TWSG1: variants seen among roughly 807,000 people sequenced by gnomAD.
TWSG1 encodes twisted gastrulation BMP signaling modulator 1.
A neutral mutation model predicts 23.0 loss-of-function variants in TWSG1; 15 were observed. That is an observed-to-expected ratio of 0.65 (90% CI 0.44 to 1.00). The LOEUF is 1.00. TWSG1 is among the 50% of genes least tolerant of loss of function. The probability of loss-of-function intolerance (pLI) is 0.00; values close to 1 mark genes in which losing one functional copy is unlikely to be tolerated. For synonymous variants in TWSG1, 86 were observed against 92.8 expected (o/e 0.93, Z 0.42); for missense variants, 242 against 278.7 (o/e 0.87, Z 0.94).
chr18:9,377,804 T>G (rs1477105986), intron 3 of TWSG1, among the ~76,000 whole-genome samples: 4 of 151,992 alleles, frequency 2.6e-5, no homozygotes, highest in Non-Finnish European at 5.9e-5. Flanking sequence ...ACTGTAGCCT[T>G]GACCTCCCAG....
At chr18:9,390,309 C>T (rs542043453) in intron 3 of TWSG1, among the ~76,000 whole-genome samples, 194 of 152,182 alleles carry the variant, frequency 1.3e-3, no homozygotes, top group African/African-American at 4.4e-3. Flanking sequence ...CTACAGATGC[C>T]CACCATCATG....
rs774720035 is a variant in TWSG1, at chr18:9,396,515, T to C, written c.459T>C (p.Asn153=). 6 of 1,613,506 alleles carry C rather than the reference T, an allele frequency of 3.7e-6. No homozygotes were observed. In the African/African-American group the frequency reaches 4.0e-5, roughly 11 times the overall value. The change falls in exon 4 of 5, where the codon AAT becomes AAC. Residue 153 remains asparagine (N), a synonymous_variant. Transcript: ENST00000262120. The part of the protein sequence containing the change: ...PHHQNVSVPS[N]NVHAPYSSDK... ...ACCAGAATGTGTCTGTCCCCAGCAATAATGTTCACGCGCCTTATTCCAGTG... is the reference window on the plus strand; with the variant it reads ...ACCAGAATGTGTCTGTCCCCAGCAACAATGTTCACGCGCCTTATTCCAGTG...
At chr18:9,375,130 G>A (rs576507491) in intron 3 of TWSG1, among the ~76,000 whole-genome samples, 1 of 132,866 alleles carries the variant, frequency 7.5e-6, no homozygotes, top group South Asian at 2.3e-4. Context: ...TTGTGCCACT[G>A]CACTCCAGCC....
At chr18:9,350,274 T>C (rs921076036) in intron 2 of TWSG1, among the ~76,000 whole-genome samples, 24 of 152,218 alleles carry the variant, frequency 1.6e-4, no homozygotes, top group Non-Finnish European at 3.4e-4. Context: ...GAATACATCG[T>C]TTCCCTCCAA....
chr18:9,339,947 C>A (rs1267820982), intron 2 of TWSG1, among the ~76,000 whole-genome samples: 1 of 152,192 alleles, frequency 6.6e-6, no homozygotes, highest in Admixed American at 6.5e-5. Flanking sequence ...TATTTTCAGT[C>A]ACAAATTCAT....
intron 3 of TWSG1, among the ~76,000 whole-genome samples, chr18:9,381,392 C>T (rs2040655509): frequency 6.6e-6 from 1 of 152,148 alleles, no homozygotes; most frequent in South Asian, 2.1e-4. Flanking sequence ...AATACAGCCT[C>T]ACACAGCTAT....
At position 9,347,177 on chromosome 18, in the gene TWSG1, C is replaced by CT. The variant is rs1220215995; in HGVS notation, c.123+9832dup. Among the ~76,000 whole-genome samples, 5 of 152,202 alleles carry CT rather than the reference C, an allele frequency of 3.3e-5. No homozygotes were observed. The East Asian group carries it at 5.8e-4, about 18-fold the overall frequency. On this transcript the variant is annotated intron_variant, in intron 2 of 4. Transcript: ENST00000262120. ...GCCCATTTTTTAATTGGGTTGTTTA[C>CT]TTTTTTTATTGTTGAGGTCTCTGTA...
intron 2 of TWSG1, among the ~76,000 whole-genome samples, chr18:9,353,012 C>CT (rs1476316648): frequency 2.0e-5 from 3 of 152,010 alleles, no homozygotes; most frequent in Non-Finnish European, 4.4e-5. Flanking sequence ...TTTATTGTAC[C>CT]TTTTCTATGT....
intron 2 of TWSG1, among the ~76,000 whole-genome samples, chr18:9,342,353 T>C (rs1468849769): frequency 2.0e-5 from 3 of 152,248 alleles, no homozygotes; most frequent in Admixed American, 6.5e-5. Context: ...GAGTGCACTA[T>C]AGGTAATTAC....
rs2040443149 is a variant in TWSG1, at chr18:9,340,713, G to T, written c.123+3361G>T. On this transcript the variant is annotated intron_variant, in intron 2 of 4. Coordinates refer to ENST00000262120, the MANE Select transcript of TWSG1 (RefSeq NM_020648.6). ...AGGCGGCTTGAAGGTGGTGGGGGTGGAATTATCTGAAACAGCACTATAGAT... is the reference window on the plus strand; with the variant it reads ...AGGCGGCTTGAAGGTGGTGGGGGTGTAATTATCTGAAACAGCACTATAGAT... Among the ~76,000 whole-genome samples the T allele has an allele frequency of 3.3e-5, 5 of 152,110 alleles. No individual in the cohort carries two copies. The South Asian group carries it at 1.0e-3, about 32-fold the overall frequency.
chr18:9,343,340 T>C (rs1343097843), intron 2 of TWSG1, among the ~76,000 whole-genome samples: 1 of 150,426 alleles, frequency 6.6e-6, no homozygotes, highest in Non-Finnish European at 1.5e-5. Flanking sequence ...TTATGTATAG[T>C]GTCCTCTTTT....
intron 2 of TWSG1, among the ~76,000 whole-genome samples, chr18:9,354,997 C>A (rs2145603171): frequency 6.6e-6 from 1 of 151,834 alleles, no homozygotes; most frequent in Middle Eastern, 3.4e-3. Context: ...GCTCTGTTGT[C>A]CAGGCTGGAG....
At chr18:9,391,741 G>C (rs973011822) in intron 3 of TWSG1, among the ~76,000 whole-genome samples, 2 of 152,200 alleles carry the variant, frequency 1.3e-5, no homozygotes, top group African/African-American at 4.8e-5. Context: ...GGCACTGATA[G>C]ATATATTTCT....
At chr18:9,351,933 A>G (rs1274776799) in intron 2 of TWSG1, among the ~76,000 whole-genome samples, 1 of 152,216 alleles carries the variant, frequency 6.6e-6, no homozygotes, top group Non-Finnish European at 1.5e-5. Flanking sequence ...GGCATGAGCC[A>G]CTGCTCCCAG....
At chr18:9,354,262 A>T (rs1308792144) in intron 2 of TWSG1, among the ~76,000 whole-genome samples, 1 of 152,236 alleles carries the variant, frequency 6.6e-6, no homozygotes, top group Non-Finnish European at 1.5e-5. Flanking sequence ...GAGATTCAAG[A>T]CAATGCATAT....
At chr18:9,344,700 T>C (rs1311506262) in intron 2 of TWSG1, among the ~76,000 whole-genome samples, 1 of 151,968 alleles carries the variant, frequency 6.6e-6, no homozygotes, top group Non-Finnish European at 1.5e-5. Flanking sequence ...GGTTAGCTTA[T>C]TGTATATCTT....
At chr18:9,369,494 C>A (rs904092859) in intron 3 of TWSG1, among the ~76,000 whole-genome samples, 6 of 152,158 alleles carry the variant, frequency 3.9e-5, no homozygotes, top group African/African-American at 1.4e-4. Context: ...GTCTCAAACT[C>A]CTGACCTCAT....
intron 3 of TWSG1, among the ~76,000 whole-genome samples, chr18:9,365,662 G>GT (rs1216519669): frequency 6.6e-6 from 1 of 151,596 alleles, no homozygotes; most frequent in East Asian, 1.9e-4. Flanking sequence ...AGGCGGCAGA[G>GT]TGAGACTTTA....
rs536669207 is a variant in TWSG1, at chr18:9,356,766, A to T, written c.124-3206A>T. Among the ~76,000 whole-genome samples the T allele has an allele frequency of 2.6e-5, 4 of 152,250 alleles. No homozygotes were observed. In the East Asian group the frequency reaches 7.7e-4, roughly 29 times the overall value. ...AAGAGTTTAGATTTTTGGATACAGG[A>T]TGCTCAACTGGTATAATGCAAATAT... On this transcript the variant is annotated intron_variant, in intron 2 of 4. Coordinates refer to ENST00000262120, the MANE Select transcript of TWSG1 (RefSeq NM_020648.6).
Sources: gnomAD v4.1 joint callset for allele counts (sites outside exome capture counted in the v4.1 genomes callset) on GRCh38, gnomAD v4.1.1 for gene constraint, MANE v1.5 for transcripts, NCBI Gene and HGNC (gene_info 2026-07-23, HGNC 2026-07-21) for gene names.